Variants in EPB41L3 observed in about 807,000 individuals in gnomAD.
EPB41L3 encodes the protein erythrocyte membrane protein band 4.1 like 3.
In EPB41L3, 57 loss-of-function variants were observed where a neutral mutation model predicts 127.1. The observed-to-expected ratio is 0.45, with a 90% CI of 0.36 to 0.56. The LOEUF is 0.56. Among genes scored for constraint, EPB41L3 ranks in the 20% least tolerant of loss-of-function variants. The pLI, the probability that EPB41L3 is intolerant of heterozygous loss-of-function variation, is 0.00. For synonymous variants in EPB41L3, 572 were observed against 549.5 expected (o/e 1.04, Z -0.57); for missense variants, 1,273 against 1,372.2 (o/e 0.93, Z 1.14).
chr18:5,560,127 G>T (rs1347470032), intron 3 of EPB41L3, among the ~76,000 whole-genome samples: 1 of 152,182 alleles, frequency 6.6e-6, no homozygotes, highest in Non-Finnish European at 1.5e-5. Flanking sequence ...TCGTTTGCTG[G>T]ATTAGGTTTT....
At chr18:5,617,963 C>T (rs527922447) in intron 1 of EPB41L3, among the ~76,000 whole-genome samples, 1 of 152,228 alleles carries the variant, frequency 6.6e-6, no homozygotes, top group Non-Finnish European at 1.5e-5. Flanking sequence ...AGGGAGGTAC[C>T]ATTTGGCTTC....
intron 3 of EPB41L3, among the ~76,000 whole-genome samples, chr18:5,580,937 T>C (rs1167696563): frequency 6.6e-6 from 1 of 152,228 alleles, no homozygotes; most frequent in East Asian, 1.9e-4. Context: ...CTTCTTAGCA[T>C]GACCTGTCCC....
At chr18:5,467,203 C>T (rs2085154446) in intron 3 of EPB41L3, among the ~76,000 whole-genome samples, 2 of 152,122 alleles carry the variant, frequency 1.3e-5, no homozygotes, top group South Asian at 4.1e-4. Flanking sequence ...TGAAGACTTC[C>T]TATGTTATAT....
intron 1 of EPB41L3, among the ~76,000 whole-genome samples, chr18:5,536,519 T>G (rs1719973): frequency 6.8e-5 from 10 of 147,586 alleles, no homozygotes; most frequent in African/African-American, 2.5e-4. Flanking sequence ...AAAAAAAATT[T>G]GGCCTGGTGC....
intron 1 of EPB41L3, among the ~76,000 whole-genome samples, chr18:5,515,255 G>A (rs142048903): frequency 6.6e-6 from 1 of 152,302 alleles, no homozygotes; most frequent in African/African-American, 2.4e-5. Flanking sequence ...GGGTGCTACT[G>A]AGAGTTTTTT....
At chr18:5,525,799 A>G (rs2093200910) in intron 1 of EPB41L3, among the ~76,000 whole-genome samples, 1 of 152,208 alleles carries the variant, frequency 6.6e-6, no homozygotes, top group African/African-American at 2.4e-5. Flanking sequence ...ATCTAAATTG[A>G]TATTGAGATA....
intron 3 of EPB41L3, among the ~76,000 whole-genome samples, chr18:5,571,874 C>T (rs1354042934): frequency 6.6e-6 from 1 of 152,146 alleles, no homozygotes; most frequent in Non-Finnish European, 1.5e-5. Context: ...TCTCAAAAGC[C>T]CAGTTGGGAA....
chr18:5,478,508 AGCACAAAACTGC>A, intron 2 of EPB41L3, 70 bp from the exon 3 acceptor site: 1 of 1,430,002 alleles, frequency 7.0e-7, no homozygotes, highest in South Asian at 1.2e-5. Context: ...CTCATGCAAT[AGCACAAAACTGC>A]TTTCTATTTC....
chr18:5,411,412 A>C (rs1950965085), intron 13 of EPB41L3, among the ~76,000 whole-genome samples: 1 of 152,240 alleles, frequency 6.6e-6, no homozygotes, highest in African/African-American at 2.4e-5. Context: ...AGAAAGAGAG[A>C]AACATCTACT....
intron 3 of EPB41L3, among the ~76,000 whole-genome samples, chr18:5,470,632 C>T (rs1162796555): frequency 1.3e-5 from 2 of 152,246 alleles, no homozygotes; most frequent in Admixed American, 1.3e-4. Flanking sequence ...CTCTGCCATA[C>T]AGTCAAACAG....
chr18:5,586,285 C>T (rs1427177579), intron 3 of EPB41L3, among the ~76,000 whole-genome samples: 1 of 152,104 alleles, frequency 6.6e-6, no homozygotes, highest in Non-Finnish European at 1.5e-5. Context: ...TTTGACCAAG[C>T]CACACTAGAC....
chr18:5,468,506 T>G (rs1249973807), intron 3 of EPB41L3, among the ~76,000 whole-genome samples: 1 of 152,136 alleles, frequency 6.6e-6, no homozygotes, highest in Non-Finnish European at 1.5e-5. Flanking sequence ...ACTCACAGAC[T>G]TTGGGATGAC....
At chr18:5,419,550 T>C (rs757415996) in intron 12 of EPB41L3, among the ~76,000 whole-genome samples, 161 bp downstream of exon 12, 1 of 152,220 alleles carries the variant, frequency 6.6e-6, no homozygotes, top group African/African-American at 2.4e-5. Context: ...AGAAAAAATG[T>C]TGAAACAGCA....
At position 5,553,501 on chromosome 18, in the gene EPB41L3, C is replaced by T. The variant is rs565403209; in HGVS notation, c.-306+58839G>A. Among the ~76,000 whole-genome samples the T allele has an allele frequency of 3.8e-4, 58 of 152,130 alleles. 1 individual carries two copies. The highest frequency in any genetic ancestry group is 1.2e-4 in the Non-Finnish European group (8 of 68,022). On this transcript the variant is annotated intron_variant, in intron 3 of 21. Transcript: ENST00000545076. Reference sequence around the variant, plus strand: ...TAAGGTTCCCTTGGAATTTCCTCTACAGAAAAGGGAAATTAATTTCAAAAA... The same window carrying T: ...TAAGGTTCCCTTGGAATTTCCTCTATAGAAAAGGGAAATTAATTTCAAAAA...
chr18:5,583,633 G>A (rs2094415640), intron 3 of EPB41L3, among the ~76,000 whole-genome samples: 1 of 152,138 alleles, frequency 6.6e-6, no homozygotes, highest in Non-Finnish European at 1.5e-5. Flanking sequence ...CTGAAATCAG[G>A]ATGTGAAAAT....
chr18:5,437,796 A>T (rs2080078756), intron 6 of EPB41L3, among the ~76,000 whole-genome samples: 1 of 152,182 alleles, frequency 6.6e-6, no homozygotes, highest in Non-Finnish European at 1.5e-5. Flanking sequence ...CAGTTCTGCA[A>T]GTTTTCCCAC....
In EPB41L3 at chr18:5,496,102, G is replaced by GA. The variant is rs77022307; in HGVS notation, c.-11-6909dup. ...TTTACACAGATAACCTGAAAAAGTTGAAAAAAACACTTAATAGATTGGGAA... is the reference window on the plus strand; with the variant it reads ...TTTACACAGATAACCTGAAAAAGTTGAAAAAAAACACTTAATAGATTGGGAA... On this transcript the variant is annotated intron_variant, in intron 1 of 22. Coordinates refer to ENST00000341928, the MANE Select transcript of EPB41L3 (RefSeq NM_012307.5). Among the ~76,000 whole-genome samples, 30 of 152,128 alleles carry GA rather than the reference G, an allele frequency of 2.0e-4. No individual in the cohort carries two copies. In the East Asian group the frequency reaches 3.1e-3, roughly 16 times the overall value.
At chr18:5,509,903 T>C (rs73379597) in intron 1 of EPB41L3, among the ~76,000 whole-genome samples, 5,121 of 152,214 alleles carry the variant, frequency 0.034, 131 homozygotes, top group East Asian at 0.097. Flanking sequence ...CACATGCAAA[T>C]GAGTGACTTA....
At chr18:5,562,820 C>G (rs2094150945) in intron 3 of EPB41L3, among the ~76,000 whole-genome samples, 1 of 152,222 alleles carries the variant, frequency 6.6e-6, no homozygotes, top group Non-Finnish European at 1.5e-5. Context: ...GATACTTTCT[C>G]TGTATTCCCA....
Sources: allele counts gnomAD v4.1 joint callset (sites outside exome capture counted in the v4.1 genomes callset), GRCh38; gene constraint gnomAD v4.1.1; transcripts MANE v1.5; gene names NCBI Gene and HGNC (gene_info 2026-07-23, HGNC 2026-07-21).